Variants in CNTNAP2 observed in about 807,000 individuals in gnomAD.
CNTNAP2 encodes the protein contactin associated protein 2, also known as contactin-associated protein-like 2.
Under a neutral mutation model 155.2 loss-of-function variants are expected in CNTNAP2, and 98 were observed. The observed-to-expected ratio is 0.63, with a 90% CI of 0.54 to 0.75. The LOEUF (loss-of-function observed/expected upper bound fraction) is 0.75, where lower values mean the gene tolerates loss of function less well. Among genes scored for constraint, CNTNAP2 ranks in the 30% least tolerant of loss-of-function variants. The pLI, the probability that CNTNAP2 is intolerant of heterozygous loss-of-function variation, is 0.00. For synonymous variants in CNTNAP2, 651 were observed against 631.2 expected, an observed-to-expected ratio of 1.03 and a Z score of -0.47; for missense variants, 1,727 against 1,688.1, an observed-to-expected ratio of 1.02 and a Z score of -0.40.
intron 4 of CNTNAP2, among the ~76,000 whole-genome samples, chr7:147,060,807 T>C (rs1584811483): frequency 1.3e-5 from 2 of 151,164 alleles, no homozygotes; most frequent in Non-Finnish European, 2.9e-5. Context: ...GAGCTTGCAG[T>C]GAGCCGAGAC....
intron 8 of CNTNAP2, among the ~76,000 whole-genome samples, chr7:147,220,021 G>C (rs1803359078): frequency 6.7e-6 from 1 of 149,492 alleles, no homozygotes; most frequent in Non-Finnish European, 1.5e-5. Context: ...TATCTCCTGA[G>C]CTCGTGATCT....
intron 8 of CNTNAP2, among the ~76,000 whole-genome samples, chr7:147,163,669 TC>T (rs1802070080): frequency 6.6e-6 from 1 of 152,150 alleles, no homozygotes; most frequent in South Asian, 2.1e-4. Flanking sequence ...TGTGACATCC[TC>T]TATGGTATCT....
At chr7:147,462,890 A>G (rs1201858603) in intron 10 of CNTNAP2, among the ~76,000 whole-genome samples, 2 of 152,160 alleles carry the variant, frequency 1.3e-5, no homozygotes, top group African/African-American at 4.8e-5. Flanking sequence ...GTGGGATACT[A>G]TATTCTAACA....
chr7:147,638,256 C>T (rs1424779875), intron 12 of CNTNAP2, among the ~76,000 whole-genome samples: 1 of 152,004 alleles, frequency 6.6e-6, no homozygotes, highest in Non-Finnish European at 1.5e-5. Context: ...ACATTTCCAG[C>T]CGTAGAAGCC....
chr7:147,332,131 C>T (rs1795581237), intron 9 of CNTNAP2, among the ~76,000 whole-genome samples: 1 of 152,128 alleles, frequency 6.6e-6, no homozygotes, highest in Non-Finnish European at 1.5e-5. Flanking sequence ...TGCTCAAATA[C>T]AATGTTCGGA....
At position 146,148,981 on chromosome 7, in the gene CNTNAP2, T is replaced by C. The variant is rs2116771096; in HGVS notation, c.97+32008T>C. ...AGACTCCACTGGGGGAATTGAACAA[T>C]GAGAACACTTGGACACAGGAAGGGG... On this transcript the variant is annotated intron_variant, in intron 1 of 23. Transcript: ENST00000361727. 1.4e-5 allele frequency among the ~76,000 whole-genome samples: 2 copies of C among 141,220 alleles called. 1 individual carries two copies. Among genetic ancestry groups the C allele is most frequent in the South Asian group, 4.3e-4 (2 of 4,604 alleles). The allele number at this position is 141,220 out of a possible 152,430, so 92.6% of individuals were successfully genotyped here. A position where few individuals can be genotyped will look rare whatever the true frequency, so the allele number is the denominator to read the frequency against.
At chr7:146,816,340 C>T (rs1401641207) in intron 2 of CNTNAP2, among the ~76,000 whole-genome samples, 2 of 152,190 alleles carry the variant, frequency 1.3e-5, no homozygotes, top group Admixed American at 6.5e-5. Context: ...AGAAGAAATG[C>T]CCTGAGGGTC....
chr7:147,027,004 G>C (rs1236407818), intron 3 of CNTNAP2, among the ~76,000 whole-genome samples: 2 of 67,458 alleles, frequency 3.0e-5, no homozygotes. Flanking sequence ...AAACAGAACA[G>C]AAAAAAAAAA....
chr7:147,282,764 A>G (rs922928521), intron 8 of CNTNAP2, among the ~76,000 whole-genome samples: 1 of 151,766 alleles, frequency 6.6e-6, no homozygotes, highest in Non-Finnish European at 1.5e-5. Context: ...TATTACTATT[A>G]TTTATATGTA....
In CNTNAP2 at chr7:147,206,936, A is replaced by G. The variant is rs10280340; in HGVS notation, c.1348+74427A>G. ...AAATCATCAGAACTACTGGTGGAGCAAAGGTGACGGAAATTACTGCTCATT... is the reference window on the plus strand; with the variant it reads ...AAATCATCAGAACTACTGGTGGAGCGAAGGTGACGGAAATTACTGCTCATT... On this transcript the variant is annotated intron_variant, in intron 8 of 23. Coordinates refer to ENST00000361727, the MANE Select transcript of CNTNAP2 (RefSeq NM_014141.6). 3.6e-3 allele frequency among the ~76,000 whole-genome samples: 553 copies of G among 152,334 alleles called. 4 individuals carry two copies. Among genetic ancestry groups the G allele is most frequent in the African/African-American group, 0.013 (529 of 41,574 alleles).
At chr7:146,695,823 C>CAT (rs753201552) in intron 1 of CNTNAP2, among the ~76,000 whole-genome samples, 38 of 152,226 alleles carry the variant, frequency 2.5e-4, no homozygotes, top group South Asian at 8.3e-4. Flanking sequence ...AGCTAATTAA[C>CAT]ATATATATTA....
At chr7:146,991,841 G>C (rs1460496581) in intron 3 of CNTNAP2, among the ~76,000 whole-genome samples, 1 of 152,160 alleles carries the variant, frequency 6.6e-6, no homozygotes, top group Non-Finnish European at 1.5e-5. Flanking sequence ...TTAACAATGT[G>C]AATGGCATGA....
In CNTNAP2 at chr7:148,415,429, T is replaced by C. The variant is rs772270814; in HGVS notation, c.3809T>C (p.Val1270Ala). The C allele has an allele frequency of 1.9e-6, 3 of 1,613,974 alleles. No homozygotes were observed. The South Asian group carries it at 3.3e-5, about 18-fold the overall frequency. Residue 1270 changes from valine (V) to alanine (A), a missense_variant, in exon 24 of 24, where the codon GTG (valine) becomes GCG (alanine). Val to Ala is a moderately conservative substitution (Grantham distance 64). Coordinates refer to ENST00000361727, the MANE Select transcript of CNTNAP2 (RefSeq NM_014141.6). ...NSAIIGGVIA[V>A]VIFTILCTLV... ...CTTTCTCCGTCAGGCGTCATTGCTGTGGTGATTTTCACCATCCTGTGCACC... is the reference window on the plus strand; with the variant it reads ...CTTTCTCCGTCAGGCGTCATTGCTGCGGTGATTTTCACCATCCTGTGCACC...
chr7:146,814,896 A>G (rs1362539139), intron 2 of CNTNAP2, among the ~76,000 whole-genome samples: 1 of 152,040 alleles, frequency 6.6e-6, no homozygotes, highest in African/African-American at 2.4e-5. Flanking sequence ...CCCACTTATC[A>G]GTAAGACACG....
chr7:146,733,079 G>T (rs575857116), intron 1 of CNTNAP2, among the ~76,000 whole-genome samples: 10 of 152,180 alleles, frequency 6.6e-5, no homozygotes, highest in African/African-American at 2.2e-4. Context: ...TAATAGAAAA[G>T]ATATTAATTG....
intron 13 of CNTNAP2, among the ~76,000 whole-genome samples, chr7:147,778,982 A>G (rs1029970835): frequency 6.6e-6 from 1 of 152,194 alleles, no homozygotes; most frequent in Non-Finnish European, 1.5e-5. Flanking sequence ...CACCTTTTAT[A>G]ATAAAAACAG....
At chr7:146,629,012 C>A (rs1288575753) in intron 1 of CNTNAP2, among the ~76,000 whole-genome samples, 1 of 152,106 alleles carries the variant, frequency 6.6e-6, no homozygotes, top group Non-Finnish European at 1.5e-5. Context: ...CTTTATCTAC[C>A]AAAATAATCT....
At chr7:147,975,083 AATTTTTTGTATTACG>A (rs1372148922) in intron 14 of CNTNAP2, among the ~76,000 whole-genome samples, 5 of 151,338 alleles carry the variant, frequency 3.3e-5, no homozygotes, top group African/African-American at 1.2e-4. Context: ...TGTATAATAC[AATTTTTTGTATTACG>A]TATAATACAA....
At chr7:147,025,010 G>A (rs1012176285) in intron 3 of CNTNAP2, among the ~76,000 whole-genome samples, 7 of 151,794 alleles carry the variant, frequency 4.6e-5, no homozygotes, top group African/African-American at 1.7e-4. Flanking sequence ...GTGGCTGGGC[G>A]CCGTGGCTCA....
Sources: gnomAD v4.1 joint callset for allele counts (sites outside exome capture counted in the v4.1 genomes callset) on GRCh38, gnomAD v4.1.1 for gene constraint, MANE v1.5 for transcripts, NCBI Gene and HGNC (gene_info 2026-07-23, HGNC 2026-07-21) for gene names.